Variants in GRB10 observed in about 807,000 individuals in gnomAD.
GRB10 encodes growth factor receptor-bound protein 10.
GRB10 carries 20 observed loss-of-function variants against 80.9 expected under a neutral mutation model. That is an observed-to-expected ratio of 0.25 (90% CI 0.17 to 0.36). GRB10 has a LOEUF of 0.36. Among genes scored for constraint, GRB10 ranks in the 10% least tolerant of loss-of-function variants. The pLI is 1.00. For synonymous variants in GRB10, 291 were observed against 291.5 expected, an observed-to-expected ratio of 1.00 and a Z score of 0.02; for missense variants, 548 against 747.7, an observed-to-expected ratio of 0.73 and a Z score of 3.12.
chr7:50,710,845 C>G (rs761353465), intron 4 of GRB10: 5 of 1,610,886 alleles, frequency 3.1e-6, no homozygotes, highest in Non-Finnish European at 4.2e-6. Flanking sequence ...ACTAAAGGTA[C>G]TGAGTGTTCG....
At chr7:50,604,731 C>G (rs138900337) in intron 15 of GRB10, among the ~76,000 whole-genome samples, 1 of 152,222 alleles carries the variant, frequency 6.6e-6, no homozygotes, top group Non-Finnish European at 1.5e-5. Context: ...CTGGACTCCC[C>G]GTGCTTGGGA....
At chr7:50,597,501 G>A (rs561847656) in intron 17 of GRB10, among the ~76,000 whole-genome samples, 3 of 152,348 alleles carry the variant, frequency 2.0e-5, no homozygotes, top group Non-Finnish European at 2.9e-5. Context: ...GAAGTTTGCC[G>A]AGCTTCAGCT....
At chr7:50,630,878 T>C (rs2053869815) in intron 7 of GRB10, among the ~76,000 whole-genome samples, 2 of 152,326 alleles carry the variant, frequency 1.3e-5, no homozygotes, top group South Asian at 4.1e-4. Flanking sequence ...TAATAGAAGG[T>C]TCCACTGTTC....
At chr7:50,699,897 A>T (rs893952776) in intron 5 of GRB10, among the ~76,000 whole-genome samples, 5 of 152,134 alleles carry the variant, frequency 3.3e-5, no homozygotes, top group African/African-American at 1.2e-4. Context: ...ACACTTTGGG[A>T]GGCCGAGGCG....
At chr7:50,690,702 G>C (rs2062718703) in intron 5 of GRB10, among the ~76,000 whole-genome samples, 2 of 152,218 alleles carry the variant, frequency 1.3e-5, no homozygotes, top group Admixed American at 1.3e-4. Flanking sequence ...GAAAGACACA[G>C]GGAAACTGCG....
At chr7:50,669,908 C>G (rs1231682799) in intron 6 of GRB10, 45 bp from the exon 7 acceptor site, 1 of 1,572,000 alleles carries the variant, frequency 6.4e-7, no homozygotes, top group Admixed American at 1.8e-5. Context: ...CCATTCCCCA[C>G]ATGACCCAGC....
At chr7:50,710,882 C>T (rs752904531) in intron 4 of GRB10, 43 of 1,612,658 alleles carry the variant, frequency 2.7e-5, no homozygotes, top group Admixed American at 1.0e-4. Context: ...GACCTTACTA[C>T]GGAACAGAGG....
intron 3 of GRB10, among the ~76,000 whole-genome samples, chr7:50,740,053 T>C (rs939299305): frequency 1.3e-5 from 2 of 152,208 alleles, no homozygotes; most frequent in Non-Finnish European, 2.9e-5. Context: ...ATGAATCCTT[T>C]CTTTTGTTAT....
At chr7:50,639,772 C>G (rs1210758120) in intron 7 of GRB10, among the ~76,000 whole-genome samples, 2 of 152,042 alleles carry the variant, frequency 1.3e-5, no homozygotes, top group African/African-American at 4.8e-5. Flanking sequence ...CAACAAGATT[C>G]AAAGCAGTAG....
At chr7:50,709,416 C>T (rs970201013) in intron 4 of GRB10, among the ~76,000 whole-genome samples, 6 of 152,188 alleles carry the variant, frequency 3.9e-5, no homozygotes, top group African/African-American at 9.6e-5. Flanking sequence ...GAACATGGCC[C>T]GGGAGGCCAG....
intron 3 of GRB10, among the ~76,000 whole-genome samples, chr7:50,744,223 A>C (rs2153697943): frequency 6.6e-6 from 1 of 152,342 alleles, no homozygotes; most frequent in South Asian, 2.1e-4. Context: ...TTCATGGAAA[A>C]GAAAAGAAAC....
intron 2 of GRB10, among the ~76,000 whole-genome samples, chr7:50,768,296 A>G (rs1398217320): frequency 2.0e-5 from 3 of 152,244 alleles, no homozygotes; most frequent in Non-Finnish European, 2.9e-5. Context: ...CTCAAATACC[A>G]GATTCTGCAC....
At chr7:50,700,951 T>C (rs974998843) in intron 5 of GRB10, among the ~76,000 whole-genome samples, 8 of 152,238 alleles carry the variant, frequency 5.3e-5, no homozygotes, top group African/African-American at 1.9e-4. Flanking sequence ...GCTATGTGTG[T>C]CTATTAACTT....
At chr7:50,709,678 G>A (rs184908234) in intron 4 of GRB10, among the ~76,000 whole-genome samples, 1 of 151,922 alleles carries the variant, frequency 6.6e-6, no homozygotes, top group East Asian at 2.0e-4. Flanking sequence ...TTAAGGGCTG[G>A]AGGTTTCAAA....
chr7:50,676,760 A>T (rs2060998743), intron 5 of GRB10, among the ~76,000 whole-genome samples: 1 of 151,914 alleles, frequency 6.6e-6, no homozygotes, highest in South Asian at 2.1e-4. Context: ...GGTAGTGCAG[A>T]GGGGGTATGG....
At position 50,619,225 on chromosome 7, in the gene GRB10, C is replaced by G; in HGVS notation, c.722G>C (p.Ser241Thr). 1 of 1,613,816 alleles carries G rather than the reference C, an allele frequency of 6.2e-7. No individual in the cohort carries two copies. The highest frequency in any genetic ancestry group is 8.5e-7 in the Non-Finnish European group (1 of 1,179,794). Residue 241 changes from serine (S) to threonine (T), a missense_variant, in exon 9 of 19, where the codon AGT becomes ACT. Coordinates refer to ENST00000401949, the MANE Select transcript of GRB10 (RefSeq NM_001350814.2). ...VQVESTMASE[S>T]KFLFRKNYAK... ...GTAATTCTTCCTGAATAGAAATTTA[C>G]TCTCACTGGCCATGGTACTCTCCAC...
At position 50,732,005 on chromosome 7, in the gene GRB10, T is replaced by C. The variant is rs374805404; in HGVS notation, c.51+267A>G. ...AAGCCCGGCTCTCAGGGGGCAACTC[T>C]GTACTACAACCAAACTCTTTTAGAA... On this transcript the variant is annotated intron_variant, in intron 4 of 18. Coordinates refer to ENST00000401949, the MANE Select transcript of GRB10 (RefSeq NM_001350814.2). Among the ~76,000 whole-genome samples, 13 of 152,364 alleles carry C rather than the reference T, an allele frequency of 8.5e-5. No individual in the cohort carries two copies. The East Asian group carries it at 2.3e-3, about 27-fold the overall frequency.
intron 2 of GRB10, among the ~76,000 whole-genome samples, chr7:50,760,645 T>A (rs1229430775): frequency 3.9e-5 from 6 of 152,212 alleles, no homozygotes; most frequent in Non-Finnish European, 8.8e-5. Flanking sequence ...GTAGTTAAAA[T>A]AGTGTGTACT....
At chr7:50,741,119 A>G (rs1228281347) in intron 3 of GRB10, among the ~76,000 whole-genome samples, 1 of 152,342 alleles carries the variant, frequency 6.6e-6, no homozygotes, top group South Asian at 2.1e-4. Flanking sequence ...TTTACACTTC[A>G]ATAAAAAGTT....
Sources: allele counts gnomAD v4.1 joint callset (sites outside exome capture counted in the v4.1 genomes callset), GRCh38; gene constraint gnomAD v4.1.1; transcripts MANE v1.5; gene names NCBI Gene and HGNC (gene_info 2026-07-23, HGNC 2026-07-21).